The following SRPRA variants were observed in gnomAD, a reference collection of about 807,000 sequenced individuals.
The protein encoded by SRPRA is SRP receptor subunit alpha.
A neutral mutation model predicts 61.1 loss-of-function variants in SRPRA; 30 were observed. The ratio of observed to expected loss-of-function variants is 0.49; its 90% CI spans 0.37 to 0.67. The LOEUF (loss-of-function observed/expected upper bound fraction) is 0.67, where lower values mean the gene tolerates loss of function less well. Ranked by LOEUF, SRPRA falls within the 30% of genes least tolerant of loss-of-function variation. The pLI is 0.00. For synonymous variants in SRPRA, 324 were observed against 299.7 expected (o/e 1.08, Z -0.84); for missense variants, 759 against 828.4 (o/e 0.92, Z 1.03).
In SRPRA at chr11:126,268,846, A is replaced by T; in HGVS notation, c.-42T>A. On this transcript the variant is annotated 5_prime_UTR_variant, in exon 1 of 14. Transcript: ENST00000332118. ...GAGCTGGGGCCGGCGCCGGGAATTCAGGCCGCGTTCGCCGCCGCTTCCTGC... is the reference window on the plus strand; with the variant it reads ...GAGCTGGGGCCGGCGCCGGGAATTCTGGCCGCGTTCGCCGCCGCTTCCTGC... The T allele has an allele frequency of 6.5e-7, 1 of 1,545,308 alleles. No homozygotes were observed. Among genetic ancestry groups the T allele is most frequent in the Non-Finnish European group, 8.9e-7 (1 of 1,120,042 alleles).
At chr11:126,268,273 A>T (rs536982074) in intron 1 of SRPRA, among the ~76,000 whole-genome samples, 187 bp from the exon 2 acceptor site, 1 of 152,184 alleles carries the variant, frequency 6.6e-6, no homozygotes, top group African/African-American at 2.4e-5. Context: ...AAGTTGGGGG[A>T]AAAAGATGAG....
the SRPRA span, among the ~76,000 whole-genome samples, chr11:126,248,760 G>T: frequency 6.6e-6 from 1 of 152,198 alleles, no homozygotes; most frequent in Non-Finnish European, 1.5e-5. Flanking sequence ...CGGCCCTCGT[G>T]ACTTAATCAC....
At position 126,265,463 on chromosome 11, in the gene SRPRA, T is replaced by G. The variant is rs750056465; in HGVS notation, c.1139-23A>C. On this transcript the variant is annotated intron_variant, in intron 9 of 13. Transcript: ENST00000332118. This position sits in a 1 kb window ranked among gnomAD's most constrained non-coding sequence, Gnocchi z 6.3. ...CCGCTGAAAGGGGAGGTGGAGGAGGTTGCAGCTGTGAAACTCAAGGAATGC... is the reference window on the plus strand; with the variant it reads ...CCGCTGAAAGGGGAGGTGGAGGAGGGTGCAGCTGTGAAACTCAAGGAATGC... The G allele has an allele frequency of 6.2e-7, 1 of 1,600,570 alleles. No individual in the cohort carries two copies. Among genetic ancestry groups the G allele is most frequent in the Non-Finnish European group, 8.5e-7 (1 of 1,172,848 alleles).
rs1180606623 is a variant in SRPRA at position 126,266,501 on chromosome 11, G to C, written c.815C>G (p.Ala272Gly). 6.2e-7 allele frequency: 1 copy of C among 1,614,132 alleles called. No individual in the cohort carries two copies. The highest frequency in any genetic ancestry group is 1.7e-5 in the Admixed American group (1 of 60,010). The change falls in exon 6 of 14, where the codon GCT becomes GGT. Residue 272 changes from alanine (A) to glycine (G), a missense_variant. Coordinates refer to ENST00000332118, the MANE Select transcript of SRPRA (RefSeq NM_003139.4). ...CAGGTTGATGTCCTCAGACAAGGCA[G>C]CCTCAGGGGTTCCATTGGTGGTGGG... ...STPTTNGTPE[A>G]ALSEDINLIR...
At chr11:126,266,703 C>T (rs980331932) in intron 5 of SRPRA, 60 bp downstream of exon 5, 57 of 1,609,394 alleles carry the variant, frequency 3.5e-5, no homozygotes, top group Middle Eastern at 3.3e-4. Context: ...ACCAGAACTC[C>T]CTTGCACCCA....
In SRPRA at chr11:126,264,584, C is replaced by A. The variant is rs1438819122; in HGVS notation, c.1526-45G>T. The A allele has an allele frequency of 5.0e-6, 8 of 1,597,396 alleles. No homozygotes were observed. In the Admixed American group the frequency reaches 1.4e-4, roughly 27 times the overall value. ...AACTCTGAACACCTGGACTACCACT[C>A]ATGCTCGTTCCCAGCTTCCTCTCAA... is the stretch of plus-strand genomic sequence containing the variant. On this transcript the variant is annotated intron_variant, in intron 11 of 13. Coordinates refer to ENST00000332118, the MANE Select transcript of SRPRA (RefSeq NM_003139.4). This position sits in a 1 kb window ranked among gnomAD's most constrained non-coding sequence, Gnocchi z 5.0.
At chr11:126,262,298 T>G (rs990042010), downstream of SRPRA, 2 of 623,034 alleles carry the variant, frequency 3.2e-6, no homozygotes, top group African/African-American at 3.8e-5. Context: ...GCGTAATCCT[T>G]CATACCACCT....
the SRPRA span, among the ~76,000 whole-genome samples, chr11:126,247,750 C>A: frequency 0.022 from 3,374 of 151,026 alleles, 143 homozygotes; most frequent in African/African-American, 0.079. Flanking sequence ...CCCAGCTACT[C>A]GGGAGGCTGA....
Position 126,263,812 on chromosome 11 carries a change from T to C in SRPRA, c.*104A>G. 1 of 1,509,246 alleles carries C rather than the reference T, an allele frequency of 6.6e-7. No homozygotes were observed. The highest frequency in any genetic ancestry group is 9.0e-7 in the Non-Finnish European group (1 of 1,116,950). 93.5% of individuals were successfully genotyped at this position (1,509,246 alleles called of 1,614,324 possible). A position where few individuals can be genotyped will look rare whatever the true frequency, so the allele number is the denominator to read the frequency against. ...CACAAGCCCCCTCACTCTGCCTTTG[T>C]ACTACACTGAAGACAGGTTGCTCAC... On this transcript the variant is annotated 3_prime_UTR_variant, in exon 14 of 14. Coordinates refer to ENST00000332118, the MANE Select transcript of SRPRA (RefSeq NM_003139.4).
chr11:126,266,293 G>A lies in SRPRA; in HGVS notation c.841-15C>T. ...GTCCCTCGAATCTGGAAGATACGGG[G>A]AAAGGATGTGGGGTCAGGAACACTA... On this transcript the variant is annotated splice_polypyrimidine_tract_variant and intron_variant, in intron 6 of 13. Transcript: ENST00000332118. 1.2e-6 allele frequency: 2 copies of A among 1,613,528 alleles called. No homozygotes were observed. Among genetic ancestry groups the A allele is most frequent in the Non-Finnish European group, 8.5e-7 (1 of 1,179,514 alleles).
At chr11:126,250,190 C>T in the SRPRA span, among the ~76,000 whole-genome samples, 1 of 151,154 alleles carries the variant, frequency 6.6e-6, no homozygotes, top group Non-Finnish European at 1.5e-5. The surrounding 1 kb of genome is among the most constrained non-coding windows in gnomAD (Gnocchi z 5.1). Context: ...CTCCTGGGTT[C>T]ACACCATTCT....
the SRPRA span, among the ~76,000 whole-genome samples, chr11:126,244,497 T>G: frequency 5.9e-4 from 90 of 152,296 alleles, no homozygotes; most frequent in African/African-American, 2.1e-3. This position sits in a 1 kb window ranked among gnomAD's most constrained non-coding sequence, Gnocchi z 4.5. Flanking sequence ...TAGCTAGGAA[T>G]AAATTTAACG....
chr11:126,267,057 G>T lies in SRPRA; in HGVS notation c.526+118C>A, dbSNP rs533747709. ...AGTTCATAAGGCCTGGGGATTATAG[G>T]ATGGTGACCATTTGAGTGAGAAGCA... On this transcript the variant is annotated intron_variant, in intron 4 of 13. Coordinates refer to ENST00000332118, the MANE Select transcript of SRPRA (RefSeq NM_003139.4). The surrounding 1 kb of genome is among the most constrained non-coding windows in gnomAD (Gnocchi z 4.2). 180 of 1,522,968 alleles carry T rather than the reference G, an allele frequency of 1.2e-4. No homozygotes were observed. Among genetic ancestry groups the T allele is most frequent in the Non-Finnish European group, 1.4e-4 (159 of 1,128,520 alleles). The allele number at this position is 1,522,968 out of a possible 1,614,324, so 94.3% of individuals were successfully genotyped here.
At chr11:126,251,743 T>C in the SRPRA span, among the ~76,000 whole-genome samples, 1 of 152,106 alleles carries the variant, frequency 6.6e-6, no homozygotes, top group African/African-American at 2.4e-5. Flanking sequence ...TTTTTTTTTT[T>C]TTTTTGAGAG....
At chr11:126,266,125 A>C in intron 7 of SRPRA, 44 bp from the exon 8 acceptor site, 1 of 1,612,742 alleles carries the variant, frequency 6.2e-7, no homozygotes, top group Middle Eastern at 1.6e-4. Flanking sequence ...ACCAGTAGGC[A>C]GGAGTTGTAT....
Position 126,265,835 on chromosome 11 carries a change from G to A in SRPRA, c.1052-12C>T, listed in dbSNP as rs1356292934. The A allele has an allele frequency of 6.2e-7, 1 of 1,614,220 alleles. No homozygotes were observed. The highest frequency in any genetic ancestry group is 1.1e-5 in the South Asian group (1 of 91,080). On this transcript the variant is annotated splice_polypyrimidine_tract_variant and intron_variant, in intron 8 of 13. Coordinates refer to ENST00000332118, the MANE Select transcript of SRPRA (RefSeq NM_003139.4). The surrounding 1 kb of genome is among the most constrained non-coding windows in gnomAD (Gnocchi z 6.3). ...AGCCACGTTCTTAGCTGAGGAGAGG[G>A]GGACAGGTATGTCAGTTCCATGTCA...
At chr11:126,238,083 C>T in the SRPRA span, among the ~76,000 whole-genome samples, 4 of 151,798 alleles carry the variant, frequency 2.6e-5, no homozygotes, top group East Asian at 1.9e-4. Flanking sequence ...TGGAAGAGGC[C>T]GGGTGCGGTG....
chr11:126,244,479 T>G, the SRPRA span, among the ~76,000 whole-genome samples: 1 of 152,218 alleles, frequency 6.6e-6, no homozygotes, highest in Non-Finnish European at 1.5e-5. This position sits in a 1 kb window ranked among gnomAD's most constrained non-coding sequence, Gnocchi z 4.5. Context: ...GCATCAAAAA[T>G]AGTAAAATAG....
chr11:126,259,425 CTTT>C (rs397945854), downstream of SRPRA, among the ~76,000 whole-genome samples: 3 of 129,422 alleles, frequency 2.3e-5, no homozygotes, highest in Non-Finnish European at 4.9e-5. Context: ...CGTTGTGGTA[CTTT>C]TTTTTTTTTT....
Sources: gnomAD v4.1 joint callset for allele counts (sites outside exome capture counted in the v4.1 genomes callset) on GRCh38, gnomAD v4.1.1 for gene constraint, Gnocchi (gnomAD v3.1) non-coding constraint, MANE v1.5 for transcripts, NCBI Gene and HGNC (gene_info 2026-07-23, HGNC 2026-07-21) for gene names.